The following TASP1 variants were observed in gnomAD, a reference collection of about 807,000 sequenced individuals.
TASP1 encodes the protein taspase 1.
TASP1 carries 16 observed loss-of-function variants against 56.6 expected under a neutral mutation model. The observed-to-expected ratio is 0.28, with a 90% CI of 0.19 to 0.43. TASP1 has a LOEUF of 0.43. Ranked by LOEUF, TASP1 falls within the 20% of genes least tolerant of loss-of-function variation. The pLI is 1.00. For synonymous variants in TASP1, 179 were observed against 184.2 expected (o/e 0.97, Z 0.23); for missense variants, 393 against 511.6 (o/e 0.77, Z 2.24).
the TASP1 span, among the ~76,000 whole-genome samples, chr20:13,107,668 C>T: frequency 5.3e-5 from 8 of 152,142 alleles, no homozygotes; most frequent in African/African-American, 1.2e-4. Context: ...TCTTCTTTCA[C>T]GGGTCCTTAC....
chr20:13,438,048 C>G (rs2043073211), intron 11 of TASP1, among the ~76,000 whole-genome samples: 1 of 147,898 alleles, frequency 6.8e-6, no homozygotes, highest in African/African-American at 2.5e-5. Context: ...GCCCGCATTG[C>G]CAAGTCAATC....
the TASP1 span, among the ~76,000 whole-genome samples, chr20:13,119,199 C>T: frequency 6.6e-6 from 1 of 152,224 alleles, no homozygotes. Context: ...TTCTGAACTA[C>T]AAAATTTTTA....
At chr20:13,314,819 ATATC>A in the TASP1 span, among the ~76,000 whole-genome samples, 1 of 152,142 alleles carries the variant, frequency 6.6e-6, no homozygotes, top group South Asian at 2.1e-4. Context: ...GCACATATCT[ATATC>A]TATCTATATG....
At chr20:13,537,641 C>G (rs6105129) in intron 8 of TASP1, among the ~76,000 whole-genome samples, 1 of 152,074 alleles carries the variant, frequency 6.6e-6, no homozygotes, top group East Asian at 1.9e-4. Context: ...ACCTATTGTC[C>G]TTGACTAAAA....
chr20:13,365,940 A>G, the TASP1 span, among the ~76,000 whole-genome samples: 1 of 152,160 alleles, frequency 6.6e-6, no homozygotes, highest in Non-Finnish European at 1.5e-5. Flanking sequence ...ATGGCAGTGG[A>G]GGGGATACTG....
Position 13,450,300 on chromosome 20 carries a change from A to T in TASP1, c.986-15146T>A, listed in dbSNP as rs537601742. Among the ~76,000 whole-genome samples the T allele has an allele frequency of 6.6e-5, 10 of 152,176 alleles. 1 individual carries two copies. The South Asian group carries it at 2.1e-3, about 32-fold the overall frequency. ...TCAGAGTGATGGCTCATGAAGACTG[A>T]GGTGGCTGTGACAATTCCTTAAAAT... On this transcript the variant is annotated intron_variant, in intron 11 of 13. Transcript: ENST00000337743.
the TASP1 span, among the ~76,000 whole-genome samples, chr20:13,189,979 A>T: frequency 2.0e-5 from 3 of 152,328 alleles, no homozygotes; most frequent in South Asian, 6.2e-4. Context: ...CATAAATAAG[A>T]ATAAAATTAT....
At chr20:13,170,693 C>A in the TASP1 span, among the ~76,000 whole-genome samples, 2 of 152,174 alleles carry the variant, frequency 1.3e-5, no homozygotes, top group Non-Finnish European at 2.9e-5. Context: ...GGCCCTCACC[C>A]AAGTTTATTC....
At chr20:13,203,107 C>A in the TASP1 span, among the ~76,000 whole-genome samples, 974 of 152,190 alleles carry the variant, frequency 6.4e-3, 20 homozygotes, top group African/African-American at 0.022. Context: ...AATTAATAAG[C>A]AGTTACTAAG....
chr20:13,140,478 A>G, the TASP1 span, among the ~76,000 whole-genome samples: 1 of 152,206 alleles, frequency 6.6e-6, no homozygotes, highest in Non-Finnish European at 1.5e-5. Flanking sequence ...GTAGAGAAAT[A>G]AAACTAGAGA....
chr20:13,549,068 A>G (rs952099415), intron 8 of TASP1, among the ~76,000 whole-genome samples: 5 of 152,144 alleles, frequency 3.3e-5, no homozygotes, highest in Non-Finnish European at 5.9e-5. Context: ...GACCATGGTA[A>G]TTACCTAGTT....
intron 4 of TASP1, among the ~76,000 whole-genome samples, chr20:13,588,570 A>G (rs1474211938): frequency 6.6e-6 from 1 of 152,208 alleles, no homozygotes; most frequent in Middle Eastern, 3.2e-3. Flanking sequence ...TCTCACAATA[A>G]CATCAAAAAC....
At chr20:13,487,251 G>A (rs1568865195) in intron 10 of TASP1, among the ~76,000 whole-genome samples, 1 of 152,020 alleles carries the variant, frequency 6.6e-6, no homozygotes, top group Non-Finnish European at 1.5e-5. Context: ...CTGTTATTGA[G>A]TCCCTACTCT....
At chr20:13,499,423 C>G (rs1181308831) in intron 10 of TASP1, among the ~76,000 whole-genome samples, 1 of 149,272 alleles carries the variant, frequency 6.7e-6, no homozygotes, top group Non-Finnish European at 1.5e-5. Context: ...CAAACCTGCA[C>G]ACGTACCCCC....
At chr20:13,518,061 C>T (rs1265333344) in intron 10 of TASP1, among the ~76,000 whole-genome samples, 1 of 152,098 alleles carries the variant, frequency 6.6e-6, no homozygotes, top group African/African-American at 2.4e-5. Context: ...ATCTAGAAGT[C>T]ATAATTCACA....
intron 4 of TASP1, chr20:13,614,876 A>G (rs1490739043): frequency 1.5e-5 from 7 of 462,966 alleles, no homozygotes; most frequent in Middle Eastern, 6.5e-4. Context: ...TTTCCACATG[A>G]GCTAAAACAG....
chr20:13,117,534 C>A, the TASP1 span: 1 of 1,605,712 alleles, frequency 6.2e-7, no homozygotes, highest in African/African-American at 1.3e-5. Context: ...GCATCTGCCC[C>A]AGATCATAGC....
the TASP1 span, among the ~76,000 whole-genome samples, chr20:13,153,502 G>C: frequency 6.6e-6 from 1 of 152,082 alleles, no homozygotes; most frequent in Non-Finnish European, 1.5e-5. Context: ...CTATGAATAT[G>C]CTATCCCTAC....
chr20:13,361,116 C>G, the TASP1 span, among the ~76,000 whole-genome samples: 1 of 152,078 alleles, frequency 6.6e-6, no homozygotes, highest in Non-Finnish European at 1.5e-5. Flanking sequence ...ATTCAGGCCC[C>G]CTCCCTTCCC....
Sources: allele counts gnomAD v4.1 joint callset (sites outside exome capture counted in the v4.1 genomes callset), GRCh38; gene constraint gnomAD v4.1.1; transcripts MANE v1.5; gene names NCBI Gene and HGNC (gene_info 2026-07-23, HGNC 2026-07-21).